The following DSCAML1 variants were observed in gnomAD, a reference collection of about 807,000 sequenced individuals.
DSCAML1 encodes cell adhesion molecule DSCAML1.
Under a neutral mutation model 200.5 loss-of-function variants are expected in DSCAML1, and 38 were observed. The ratio of observed to expected loss-of-function variants is 0.19; its 90% CI spans 0.15 to 0.25. The LOEUF (loss-of-function observed/expected upper bound fraction) is 0.25. DSCAML1 is among the 10% of genes least tolerant of loss of function. DSCAML1 has a pLI of 1.00. For missense variants in DSCAML1, 2,223 were observed against 2,858.8 expected (o/e 0.78, Z 5.07); for synonymous variants, 1,215 against 1,165.0 (o/e 1.04, Z -0.87).
At chr11:117,545,240 C>A (rs200376615) in intron 3 of DSCAML1, among the ~76,000 whole-genome samples, 61,925 of 141,056 alleles carry the variant, frequency 0.44, 13,963 homozygotes, top group South Asian at 0.58. Flanking sequence ...AAAAAACACA[C>A]ACACACACAC....
chr11:117,790,777 G>A (rs992296283), intron 1 of DSCAML1, among the ~76,000 whole-genome samples: 1 of 152,172 alleles, frequency 6.6e-6, no homozygotes, highest in Non-Finnish European at 1.5e-5. Flanking sequence ...CGAAATAAAG[G>A]CACATGAACC....
intron 8 of DSCAML1, among the ~76,000 whole-genome samples, chr11:117,513,468 C>T (rs775886766): frequency 2.0e-4 from 31 of 152,256 alleles, no homozygotes; most frequent in East Asian, 3.9e-4. Context: ...CATCCGGGAG[C>T]GGTGGCTCAT....
chr11:117,540,265 T>TCAGCA (rs772714017), intron 3 of DSCAML1, among the ~76,000 whole-genome samples: 2 of 152,152 alleles, frequency 1.3e-5, no homozygotes, highest in South Asian at 2.1e-4. Context: ...TCCTGTCAGA[T>TCAGCA]CAGCAGCAGC....
upstream of DSCAML1, among the ~76,000 whole-genome samples, chr11:117,797,941 A>G (rs2055614555): frequency 6.6e-6 from 1 of 152,188 alleles, no homozygotes. Context: ...ATCTTTATGA[A>G]GTTGGCATAG....
intron 15 of DSCAML1, among the ~76,000 whole-genome samples, 199 bp downstream of exon 15, chr11:117,471,670 T>C (rs1269224653): frequency 7.4e-6 from 1 of 134,820 alleles, no homozygotes. Context: ...CCAAACCCAG[T>C]ATCTAGAACC....
chr11:117,486,765 T>G (rs184768441), intron 11 of DSCAML1, among the ~76,000 whole-genome samples: 2 of 152,202 alleles, frequency 1.3e-5, no homozygotes, highest in Non-Finnish European at 2.9e-5. Flanking sequence ...TGAAGACCTG[T>G]TCTACTGAAT....
intron 17 of DSCAML1, among the ~76,000 whole-genome samples, chr11:117,464,133 G>T (rs1046618657): frequency 4.6e-5 from 7 of 152,146 alleles, no homozygotes; most frequent in Admixed American, 4.6e-4. Context: ...GCTCTGTTGG[G>T]GCGGGGTGGG....
chr11:117,465,882 AAAAG>A (rs1424244839), intron 16 of DSCAML1, among the ~76,000 whole-genome samples: 1 of 152,206 alleles, frequency 6.6e-6, no homozygotes, highest in African/African-American at 2.4e-5. Context: ...AGTTTGAATA[AAAAG>A]AAAGAGTCCC....
In DSCAML1 at chr11:117,437,436, G is replaced by A. The variant is rs2047943192; in HGVS notation, c.4433-27C>T. On this transcript the variant is annotated intron_variant, in intron 25 of 32. Coordinates refer to ENST00000651296, the MANE Select transcript of DSCAML1 (RefSeq NM_020693.4). This position sits in a 1 kb window ranked among gnomAD's most constrained non-coding sequence, Gnocchi z 5.3. ...TGGCAGGCCGGAGGGAGAGAGAGAG[G>A]TTAGAGAGATTTGGTGGGAGGCAGG... 3.1e-6 allele frequency: 5 copies of A among 1,599,936 alleles called. No individual in the cohort carries two copies. In the South Asian group the frequency reaches 3.4e-5, roughly 11 times the overall value.
At chr11:117,428,861 G>T (rs149144817) in intron 32 of DSCAML1, 58 bp from the exon 33 acceptor site, 3 of 1,479,284 alleles carry the variant, frequency 2.0e-6, no homozygotes, top group African/African-American at 2.8e-5. Flanking sequence ...GAAGCAGCTC[G>T]TTCAGCCCCC....
intron 3 of DSCAML1, among the ~76,000 whole-genome samples, chr11:117,610,856 A>C (rs2051677186): frequency 3.1e-5 from 4 of 128,180 alleles, no homozygotes; most frequent in Admixed American, 7.9e-5. Flanking sequence ...CCCCCCCACA[A>C]TGTGTTCGTA....
At chr11:117,485,517 A>G (rs2049029005) in intron 11 of DSCAML1, among the ~76,000 whole-genome samples, 1 of 152,198 alleles carries the variant, frequency 6.6e-6, no homozygotes, top group Non-Finnish European at 1.5e-5. Flanking sequence ...TGTGGCTGCG[A>G]GCTATGTGGC....
chr11:117,548,063 G>A (rs995968654), intron 3 of DSCAML1, among the ~76,000 whole-genome samples: 2 of 152,230 alleles, frequency 1.3e-5, no homozygotes, highest in African/African-American at 4.8e-5. Flanking sequence ...TGTGGACTGA[G>A]ACATGCAAGG....
intron 17 of DSCAML1, among the ~76,000 whole-genome samples, chr11:117,462,440 C>T (rs1592614702): frequency 6.6e-6 from 1 of 152,328 alleles, no homozygotes; most frequent in East Asian, 1.9e-4. Flanking sequence ...GGTGGCACTT[C>T]CTGCTGGCAT....
chr11:117,630,444 T>C (rs2052146310), intron 3 of DSCAML1, among the ~76,000 whole-genome samples: 1 of 151,740 alleles, frequency 6.6e-6, no homozygotes, highest in Non-Finnish European at 1.5e-5. Flanking sequence ...GGGAAAGGCA[T>C]GGGAGAGAGG....
intron 1 of DSCAML1, among the ~76,000 whole-genome samples, chr11:117,815,865 A>G (rs574960363): frequency 2.6e-4 from 40 of 151,264 alleles, no homozygotes; most frequent in Admixed American, 1.7e-3. Flanking sequence ...AAGTCTCCCT[A>G]AATTCTGAGC....
At chr11:117,754,923 C>T (rs1369747762) in intron 3 of DSCAML1, among the ~76,000 whole-genome samples, 7 of 152,182 alleles carry the variant, frequency 4.6e-5, no homozygotes, top group African/African-American at 1.7e-4. Flanking sequence ...GTGGGAGGAG[C>T]CAGGGCAGAA....
chr11:117,671,725 A>G (rs1034401414), intron 3 of DSCAML1, among the ~76,000 whole-genome samples: 1 of 152,212 alleles, frequency 6.6e-6, no homozygotes, highest in Non-Finnish European at 1.5e-5. Context: ...GGAAGCAAAT[A>G]AAAATAGAAA....
At chr11:117,496,824 C>A (rs1287289946) in intron 11 of DSCAML1, among the ~76,000 whole-genome samples, 2 of 152,214 alleles carry the variant, frequency 1.3e-5, no homozygotes, top group Non-Finnish European at 2.9e-5. Flanking sequence ...TTTAATAAAA[C>A]CTCCCTGCTT....
Sources: gnomAD v4.1 joint callset for allele counts (sites outside exome capture counted in the v4.1 genomes callset) on GRCh38, gnomAD v4.1.1 for gene constraint, Gnocchi (gnomAD v3.1) non-coding constraint, MANE v1.5 for transcripts, NCBI Gene and HGNC (gene_info 2026-07-23, HGNC 2026-07-21) for gene names.